NID2: variants seen among roughly 807,000 people sequenced by gnomAD.
NID2 encodes the protein nidogen-2.
Under a neutral mutation model 145.4 loss-of-function variants are expected in NID2, and 83 were observed. That is an observed-to-expected ratio of 0.57 (90% confidence interval 0.48 to 0.69). The LOEUF (loss-of-function observed/expected upper bound fraction) is 0.69, where lower values mean the gene tolerates loss of function less well. NID2 is among the 30% of genes least tolerant of loss of function. The pLI, the probability that NID2 is intolerant of heterozygous loss-of-function variation, is 0.00. For missense variants in NID2, 1,807 were observed against 1,765.7 expected, an observed-to-expected ratio of 1.02 and a Z score of -0.42; for synonymous variants, 739 against 701.3, an observed-to-expected ratio of 1.05 and a Z score of -0.85.
intron 19 of NID2, chr14:52,007,106 C>T (rs12432630): frequency 0.014 from 2,160 of 155,018 alleles, 30 homozygotes; most frequent in Middle Eastern, 0.03. Flanking sequence ...TAACATAACT[C>T]ATATTTCAAT....
chr14:52,019,970 C>T (rs1891342859), intron 13 of NID2, 89 bp downstream of exon 13: 2 of 1,536,056 alleles, frequency 1.3e-6, no homozygotes, highest in Non-Finnish European at 1.8e-6. Flanking sequence ...GGCTCCAGAC[C>T]AGGCTAAATC....
chr14:52,045,146 CTT>C (rs994703159), intron 5 of NID2, among the ~76,000 whole-genome samples: 1 of 152,148 alleles, frequency 6.6e-6, no homozygotes, highest in Non-Finnish European at 1.5e-5. Flanking sequence ...TCAGCACAGA[CTT>C]CAAGTATAAT....
rs772352433 is a variant in NID2, at chr14:52,054,278, C to G, written c.811G>C (p.Gly271Arg). The change falls in exon 4 of 22, where the codon GGC (glycine) becomes CGC (arginine). Residue 271 changes from glycine to arginine, a missense_variant. By Grantham distance (125) the Gly-to-Arg change is moderately radical. Transcript: ENST00000216286. Reference sequence around the variant, plus strand: ...ACATTGTCCAACGGGGAAGTGCTGCCGATATGGAAAGCCCACACTCCAGGG... The same window carrying G: ...ACATTGTCCAACGGGGAAGTGCTGCGGATATGGAAAGCCCACACTCCAGGG... ...GIPGVWAFHI[G>R]STSPLDNVRP... The G allele has an allele frequency of 6.2e-7, 1 of 1,613,870 alleles. No homozygotes were observed. The highest frequency in any genetic ancestry group is 1.7e-5 in the Admixed American group (1 of 60,004).
At chr14:52,022,871 G>A (rs145526483) in intron 12 of NID2, among the ~76,000 whole-genome samples, 188 of 152,174 alleles carry the variant, frequency 1.2e-3, no homozygotes, top group Non-Finnish European at 2.4e-3. Flanking sequence ...TTTGAGCCCA[G>A]TGAAATTTCT....
intron 16 of NID2, among the ~76,000 whole-genome samples, chr14:52,012,935 C>T (rs745629756): frequency 9.2e-5 from 14 of 152,066 alleles, no homozygotes; most frequent in South Asian, 2.1e-4. Context: ...CCCCTGGGAG[C>T]GTAGTCAGCC....
intron 7 of NID2, 107 bp from the exon 8 acceptor site, chr14:52,040,958 T>C: frequency 1.1e-6 from 1 of 937,342 alleles, no homozygotes; most frequent in Non-Finnish European, 1.7e-6. Flanking sequence ...AGATCGTGCC[T>C]AAGGAGATTA....
chr14:52,043,820 C>A (rs1892377029), intron 5 of NID2, among the ~76,000 whole-genome samples: 1 of 152,014 alleles, frequency 6.6e-6, no homozygotes, highest in East Asian at 1.9e-4. Context: ...CAGGAGGGTG[C>A]TTTCTCCGGG....
chr14:52,042,665 G>T, intron 6 of NID2, 117 bp downstream of exon 6: 2 of 1,054,376 alleles, frequency 1.9e-6, no homozygotes, highest in Non-Finnish European at 1.4e-6. Context: ...CAAGTTGATA[G>T]CACTCTGATT....
rs926775388 is a variant in NID2 at position 52,068,158 on chromosome 14, G to A, written c.234C>T (p.Gly78=). 1.2e-6 allele frequency: 2 copies of A among 1,612,890 alleles called. No individual in the cohort carries two copies. The highest frequency in any genetic ancestry group is 2.2e-5 in the South Asian group (2 of 90,532). The change falls in exon 2 of 22, where the codon GGC becomes GGT. Residue 78 remains glycine, a synonymous_variant. Transcript: ENST00000216286. ...YEARFSNLYV[G]TNGIISTQDF... is the part of the protein sequence containing the mutation. ...CCTGAGTGGAGATGATGCCGTTGGT[G>A]CCCACCTGGGAGAGGAGAGGGACAA...
At chr14:52,043,039 C>T (rs1301344542) in intron 5 of NID2, 108 bp from the exon 6 acceptor site, 12 of 1,075,682 alleles carry the variant, frequency 1.1e-5, no homozygotes. Flanking sequence ...TCATAACAAA[C>T]AGTTTTTGAT....
chr14:52,054,041 C>T lies in NID2; in HGVS notation c.1048G>A (p.Val350Met), dbSNP rs143154165. ...SSIDVSFQSKVDTKPLEESST... is the reference protein window; with the variant it reads ...SSIDVSFQSKMDTKPLEESST... ...CTACCCTCTAAAGGCTTTGTATCCA[C>T]TTTGGATTGGAAGGAAACATCAATG... The change falls in exon 4 of 22, where the codon GTG becomes ATG. Residue 350 changes from valine to methionine, a missense_variant. Physicochemically the swap from Val to Met is conservative, Grantham distance 21. Coordinates refer to ENST00000216286, the MANE Select transcript of NID2 (RefSeq NM_007361.4). The T allele has an allele frequency of 3.9e-4, 624 of 1,614,042 alleles. 1 individual carries two copies. The African/African-American group carries it at 7.5e-3, about 19-fold the overall frequency.
intron 1 of NID2, 80 bp from the exon 2 acceptor site, chr14:52,068,243 C>A: frequency 1.5e-6 from 2 of 1,361,070 alleles, no homozygotes; most frequent in East Asian, 2.3e-5. Flanking sequence ...GGGAAGGGAA[C>A]TGACTTAGGC....
chr14:52,040,476 G>A (rs1157694155), intron 8 of NID2, among the ~76,000 whole-genome samples, 175 bp downstream of exon 8: 2 of 152,148 alleles, frequency 1.3e-5, no homozygotes, highest in Non-Finnish European at 2.9e-5. Context: ...CAGCCATTCT[G>A]CTCACTTACA....
chr14:52,068,655 TG>T (rs1174697643), intron 1 of NID2, 111 bp downstream of exon 1: 4 of 945,112 alleles, frequency 4.2e-6, no homozygotes, highest in African/African-American at 3.2e-5. Flanking sequence ...GCAAGGGTGC[TG>T]GGGGGCTCCA....
In NID2 at chr14:52,011,410, T is replaced by TA. The variant is rs573234874; in HGVS notation, c.3550+143dup. ...GAAGGTGTTTGCTTACAGAGGGGGC[T>TA]AGTCTTATACAGCTCAATAAAATGA... On this transcript the variant is annotated intron_variant, in intron 17 of 21. Coordinates refer to ENST00000216286, the MANE Select transcript of NID2 (RefSeq NM_007361.4). The TA allele has an allele frequency of 7.8e-5, 71 of 908,154 alleles. No homozygotes were observed. In the African/African-American group the frequency reaches 9.8e-4, roughly 13 times the overall value. 56.3% of individuals were successfully genotyped at this position (908,154 alleles called of 1,614,324 possible).
At chr14:52,009,041 T>C (rs1397625127) in intron 18 of NID2, 1 of 152,232 alleles carries the variant, frequency 6.6e-6, no homozygotes, top group Non-Finnish European at 1.5e-5. Flanking sequence ...TAAAATACTA[T>C]TTTATAAAAG....
chr14:52,021,978 G>A (rs1891415068), intron 12 of NID2, among the ~76,000 whole-genome samples: 1 of 152,138 alleles, frequency 6.6e-6, no homozygotes, highest in South Asian at 2.1e-4. Context: ...GCCGAATGCA[G>A]GAAATTAAAG....
At chr14:52,025,518 T>G (rs914102130) in intron 12 of NID2, among the ~76,000 whole-genome samples, 3 of 152,208 alleles carry the variant, frequency 2.0e-5, no homozygotes, top group Admixed American at 1.3e-4. Context: ...ATAGAATATC[T>G]GAAACTGAGT....
chr14:52,030,484 A>AGAAAGAAAG (rs1167310054), intron 9 of NID2, among the ~76,000 whole-genome samples: 1 of 105,700 alleles, frequency 9.5e-6, no homozygotes, highest in Non-Finnish European at 2.0e-5. Flanking sequence ...GAGAAAGAAA[A>AGAAAGAAAG]GAAAGAAAGA....
Sources: allele counts gnomAD v4.1 joint callset (sites outside exome capture counted in the v4.1 genomes callset), GRCh38; gene constraint gnomAD v4.1.1; transcripts MANE v1.5; gene names NCBI Gene and HGNC (gene_info 2026-07-23, HGNC 2026-07-21).